Variants in EAPP observed in about 807,000 individuals in gnomAD.
The protein encoded by EAPP is E2F associated phosphoprotein, also known as E2F-associated phosphoprotein.
In EAPP, 38 loss-of-function variants were observed where a neutral mutation model predicts 34.3. The observed-to-expected ratio is 1.11, with a 90% CI of 0.85 to 1.45. The LOEUF (loss-of-function observed/expected upper bound fraction) is 1.45. EAPP is among the 40% of genes most tolerant of loss of function. The probability of loss-of-function intolerance (pLI) is 0.00; values close to 1 mark genes in which losing one functional copy is unlikely to be tolerated. For missense variants in EAPP, 338 were observed against 343.7 expected (o/e 0.98, Z 0.13); for synonymous variants, 113 against 117.6 (o/e 0.96, Z 0.25).
chr14:34,528,767 A>C (rs1451715844), intron 4 of EAPP, among the ~76,000 whole-genome samples: 4 of 151,866 alleles, frequency 2.6e-5, no homozygotes, highest in Non-Finnish European at 5.9e-5. Context: ...CAGCATCTGA[A>C]AAAAAAAGTC....
In EAPP at chr14:34,533,424, C is replaced by G; in HGVS notation, c.352+20G>C. On this transcript the variant is annotated intron_variant, in intron 3 of 5. Coordinates refer to ENST00000250454, the MANE Select transcript of EAPP (RefSeq NM_018453.4). ...TTTTTATAAAATATAACTGCTAAAC[C>G]TGGTAAATAGGTTACTTACCTGCTC... 6.4e-7 allele frequency: 1 copy of G among 1,559,460 alleles called. No homozygotes were observed. Among genetic ancestry groups the G allele is most frequent in the Non-Finnish European group, 8.8e-7 (1 of 1,130,896 alleles).
At chr14:34,538,125 CCTAGCA>C (rs1880534322) in intron 1 of EAPP, among the ~76,000 whole-genome samples, 1 of 152,176 alleles carries the variant, frequency 6.6e-6, no homozygotes, top group Admixed American at 6.5e-5. Flanking sequence ...GGCCTGTAAT[CCTAGCA>C]CTTTGGGAGC....
intron 1 of EAPP, 94 bp downstream of exon 1, chr14:34,539,461 G>T: frequency 7.4e-7 from 1 of 1,356,922 alleles, no homozygotes; most frequent in Non-Finnish European, 1.0e-6. Flanking sequence ...GAGCCGCTAG[G>T]GTCTGCGTAG....
chr14:34,526,361 G>A (rs1419300384), intron 4 of EAPP, among the ~76,000 whole-genome samples: 1 of 151,760 alleles, frequency 6.6e-6, no homozygotes, highest in Non-Finnish European at 1.5e-5. Context: ...CCAGGAGGTG[G>A]AGGTCACAGT....
rs187762093 is a variant in EAPP, at chr14:34,520,075, T to C, written c.582-3489A>G. Among the ~76,000 whole-genome samples the C allele has an allele frequency of 9.1e-4, 139 of 151,922 alleles. No individual in the cohort carries two copies. The East Asian group carries it at 0.025, about 27-fold the overall frequency. ...TAATTTTTTATATTTTTAGTAGAGA[T>C]GGGGTTTCACCATGTTGGCCAGGCT... On this transcript the variant is annotated intron_variant, in intron 5 of 5. Coordinates refer to ENST00000250454, the MANE Select transcript of EAPP (RefSeq NM_018453.4).
chr14:34,533,827 C>T (rs1880375741), intron 2 of EAPP, among the ~76,000 whole-genome samples: 1 of 152,148 alleles, frequency 6.6e-6, no homozygotes, highest in Non-Finnish European at 1.5e-5. Context: ...GCACACATAT[C>T]TCTACCTTTC....
intron 5 of EAPP, 67 bp downstream of exon 5, chr14:34,524,630 T>G (rs1038376335): frequency 2.3e-5 from 27 of 1,166,372 alleles, no homozygotes; most frequent in Non-Finnish European, 2.5e-5. Context: ...AAAAAAAAAG[T>G]CTGTTTCTAA....
intron 4 of EAPP, among the ~76,000 whole-genome samples, chr14:34,528,296 A>G (rs1490904058): frequency 1.3e-5 from 2 of 151,928 alleles, no homozygotes; most frequent in Non-Finnish European, 2.9e-5. Context: ...TTGGCCTCCC[A>G]AAGTGCTGGG....
chr14:34,529,248 T>C (rs966021744), intron 4 of EAPP, 110 bp downstream of exon 4: 2 of 774,762 alleles, frequency 2.6e-6, no homozygotes, highest in Non-Finnish European at 4.1e-6. Context: ...TTTGTTTGTG[T>C]GTGTGTGTTT....
At chr14:34,523,728 G>A (rs1329608069) in intron 5 of EAPP, among the ~76,000 whole-genome samples, 1 of 151,640 alleles carries the variant, frequency 6.6e-6, no homozygotes, top group East Asian at 1.9e-4. Context: ...ATTTTTTGTA[G>A]AGATGAGGTA....
intron 5 of EAPP, among the ~76,000 whole-genome samples, chr14:34,523,526 G>GT (rs10668919): frequency 0.023 from 2,738 of 119,464 alleles, 158 homozygotes; most frequent in African/African-American, 0.075. Flanking sequence ...CGCCCAGCCC[G>GT]TTTTTTTTTT....
chr14:34,533,470 G>A lies in EAPP; in HGVS notation c.326C>T (p.Ser109Phe), dbSNP rs750706116. 1 of 1,612,018 alleles carries A rather than the reference G, an allele frequency of 6.2e-7. No individual in the cohort carries two copies. The highest frequency in any genetic ancestry group is 1.1e-5 in the South Asian group (1 of 90,736). ...TRYYDDIYFDSDSEDEDRAVQ... is the reference protein window; with the variant it reads ...TRYYDDIYFDFDSEDEDRAVQ... ...TGCTCTGTCTTCATCCTCGGAATCA[G>A]AATCAAAATATATATCATCGTAGTA... The change falls in exon 3 of 6, where the codon TCT becomes TTT. Residue 109 changes from serine to phenylalanine, a missense_variant. Ser to Phe is a radical substitution (Grantham distance 155). Coordinates refer to ENST00000250454, the MANE Select transcript of EAPP (RefSeq NM_018453.4).
intron 5 of EAPP, 123 bp from the exon 6 acceptor site, chr14:34,516,709 C>G: frequency 1.0e-6 from 1 of 969,586 alleles, no homozygotes; most frequent in Non-Finnish European, 1.5e-6. Flanking sequence ...GACACAGGAA[C>G]AAAACAGCAA....
chr14:34,521,932 C>G (rs1041690908), intron 5 of EAPP, among the ~76,000 whole-genome samples: 38 of 151,620 alleles, frequency 2.5e-4, no homozygotes, highest in African/African-American at 9.0e-4. Context: ...CTGTGCCCGG[C>G]TGAGTTCCCA....
rs775313051 is a variant in EAPP at position 34,533,522 on chromosome 14, C to A, written c.274G>T (p.Gly92Ter). The change falls in exon 3 of 6, where the codon GGA becomes TGA. Residue 92 changes from glycine to a stop codon, truncating the protein, a stop_gained. Transcript: ENST00000250454. LOFTEE classifies it high-confidence loss of function. ...SLGTGSSSGN[G>*]KVATAPTRYY... The stretch of plus-strand genomic sequence containing the variant: ...CTTGTCGGAGCTGTTGCAACTTTTC[C>A]ATTTCCTGAGGAAGATCCTATTCAA... The A allele has an allele frequency of 4.4e-6, 7 of 1,591,068 alleles. No homozygotes were observed. In the East Asian group the frequency reaches 1.1e-4, roughly 26 times the overall value.
In EAPP at chr14:34,539,491, T is replaced by C. The variant is rs773797463; in HGVS notation, c.74+64A>G. 4 of 1,542,748 alleles carry C rather than the reference T, an allele frequency of 2.6e-6. No homozygotes were observed. In the South Asian group the frequency reaches 4.5e-5, roughly 17 times the overall value. On this transcript the variant is annotated intron_variant, in intron 1 of 5. Coordinates refer to ENST00000250454, the MANE Select transcript of EAPP (RefSeq NM_018453.4). ...GCGTAGGCTCGGCAGGCGCAACGAA[T>C]GGAGGCGACCAAAGCCAGGCCTCGA... is the stretch of plus-strand genomic sequence containing the variant.
chr14:34,516,203 A>C lies in EAPP; in HGVS notation c.*107T>G. 1 of 1,079,548 alleles carries C rather than the reference A, an allele frequency of 9.3e-7. No homozygotes were observed. Among genetic ancestry groups the C allele is most frequent in the Non-Finnish European group, 1.3e-6 (1 of 757,670 alleles). 66.9% of individuals were successfully genotyped at this position (1,079,548 alleles called of 1,614,324 possible). A position where few individuals can be genotyped will look rare whatever the true frequency, so the allele number is the denominator to read the frequency against. ...CAACTATTCTCCTTTAAAAAGAGAA[A>C]CACTGCTTCCTCAATGTCACTGAAG... On this transcript the variant is annotated 3_prime_UTR_variant, in exon 6 of 6. Transcript: ENST00000250454.
At chr14:34,517,007 G>A (rs7158829) in intron 5 of EAPP, among the ~76,000 whole-genome samples, 57,985 of 147,380 alleles carry the variant, frequency 0.39, 12,412 homozygotes, top group East Asian at 0.68. Context: ...GCGCGATCTC[G>A]GCTCACTGCA....
At chr14:34,532,410 G>C (rs1051569186) in intron 3 of EAPP, among the ~76,000 whole-genome samples, 2 of 150,960 alleles carry the variant, frequency 1.3e-5, no homozygotes, top group African/African-American at 4.9e-5. Flanking sequence ...AGTGAACCAA[G>C]ATGGTGGTGC....
Sources: allele counts gnomAD v4.1 joint callset (sites outside exome capture counted in the v4.1 genomes callset), GRCh38; gene constraint gnomAD v4.1.1; transcripts MANE v1.5; gene names NCBI Gene and HGNC (gene_info 2026-07-23, HGNC 2026-07-21).